The following SCAMP1 variants were observed in gnomAD, a reference collection of about 807,000 sequenced individuals.
SCAMP1 encodes the protein secretory carrier membrane protein 1.
A neutral mutation model predicts 41.8 loss-of-function variants in SCAMP1; 15 were observed. That is an observed-to-expected ratio of 0.36 (90% CI 0.24 to 0.55). The LOEUF (loss-of-function observed/expected upper bound fraction) is 0.55, where lower values mean the gene tolerates loss of function less well. Among genes scored for constraint, SCAMP1 ranks in the 20% least tolerant of loss-of-function variants. The probability of loss-of-function intolerance (pLI) is 0.86; values close to 1 mark genes in which losing one functional copy is unlikely to be tolerated. For synonymous variants in SCAMP1, 135 were observed against 136.8 expected, an observed-to-expected ratio of 0.99 and a Z score of 0.09; for missense variants, 341 against 412.6, an observed-to-expected ratio of 0.83 and a Z score of 1.50.
chr5:78,434,064 G>T (rs1292046015), intron 6 of SCAMP1, among the ~76,000 whole-genome samples: 1 of 152,148 alleles, frequency 6.6e-6, no homozygotes, highest in African/African-American at 2.4e-5. Flanking sequence ...GGGAGTTTTG[G>T]TGGCTGCTCT....
At chr5:78,449,320 G>T (rs1012624629) in intron 6 of SCAMP1, among the ~76,000 whole-genome samples, 1 of 152,266 alleles carries the variant, frequency 6.6e-6, no homozygotes, top group African/African-American at 2.4e-5. Context: ...GAAAAGGAAT[G>T]AACTTTTGAT....
chr5:78,403,473 G>C (rs920822829), intron 2 of SCAMP1, among the ~76,000 whole-genome samples: 37 of 120,708 alleles, frequency 3.1e-4, no homozygotes, highest in African/African-American at 1.1e-3. Context: ...TTATTATTTT[G>C]AACCAACTGT....
chr5:78,429,350 T>G (rs56347703), intron 6 of SCAMP1, among the ~76,000 whole-genome samples: 5 of 62,488 alleles, frequency 8.0e-5, no homozygotes, highest in African/African-American at 3.9e-4. Flanking sequence ...AGTTGGTTTT[T>G]TTTTTTTTTT....
In SCAMP1 at chr5:78,457,387, T is replaced by G. The variant is rs534427338; in HGVS notation, c.735-1858T>G. Reference sequence around the variant, plus strand: ...TGGTGTGGATGTCCTTTCTGTTTGTTAGTTTTCCTTCTAACAGACAGGACC... The same window carrying G: ...TGGTGTGGATGTCCTTTCTGTTTGTGAGTTTTCCTTCTAACAGACAGGACC... On this transcript the variant is annotated intron_variant, in intron 7 of 8. Transcript: ENST00000621999. 8.7e-3 allele frequency among the ~76,000 whole-genome samples: 1,325 copies of G among 152,128 alleles called. 22 individuals carry two copies. Among genetic ancestry groups the G allele is most frequent in the African/African-American group, 0.03 (1,224 of 41,444 alleles).
At chr5:78,365,096 A>G (rs1237023838) in intron 1 of SCAMP1, among the ~76,000 whole-genome samples, 2 of 152,218 alleles carry the variant, frequency 1.3e-5, no homozygotes, top group African/African-American at 2.4e-5. Context: ...GGATTAGATG[A>G]ACATACATTT....
In SCAMP1 at chr5:78,469,795, T is replaced by G. The variant is rs572526204; in HGVS notation, c.853-5709T>G. Among the ~76,000 whole-genome samples, 9 of 148,616 alleles carry G rather than the reference T, an allele frequency of 6.1e-5. No individual in the cohort carries two copies. In the East Asian group the frequency reaches 1.8e-3, roughly 29 times the overall value. ...TGTAATTCTAGCACTTTGGGAGGGT[T>G]TGGGGGGCCGAGGCAAGAAGATGAC... On this transcript the variant is annotated intron_variant, in intron 8 of 8. Transcript: ENST00000621999.
intron 6 of SCAMP1, among the ~76,000 whole-genome samples, chr5:78,445,265 A>G (rs1753026164): frequency 6.6e-6 from 1 of 152,234 alleles, no homozygotes; most frequent in Non-Finnish European, 1.5e-5. Flanking sequence ...TGTGGAAGAC[A>G]TTAAACCAAA....
chr5:78,406,021 G>A (rs528856179), intron 2 of SCAMP1, among the ~76,000 whole-genome samples: 29 of 152,176 alleles, frequency 1.9e-4, no homozygotes, highest in Non-Finnish European at 3.7e-4. Flanking sequence ...TTTCTTTGCT[G>A]AATCAACGGC....
At chr5:78,361,332 G>A (rs535780763) in intron 1 of SCAMP1, among the ~76,000 whole-genome samples, 2 of 152,284 alleles carry the variant, frequency 1.3e-5, no homozygotes, top group South Asian at 2.1e-4. Flanking sequence ...GGTTGAGGTT[G>A]AGGTTATTGA....
chr5:78,469,593 G>T (rs995382138), intron 8 of SCAMP1, among the ~76,000 whole-genome samples: 1 of 151,722 alleles, frequency 6.6e-6, no homozygotes, highest in African/African-American at 2.4e-5. Flanking sequence ...ATTATCTTAG[G>T]CATCTTCAAA....
chr5:78,406,252 G>A (rs1328482718), intron 2 of SCAMP1, among the ~76,000 whole-genome samples: 1 of 152,122 alleles, frequency 6.6e-6, no homozygotes, highest in Non-Finnish European at 1.5e-5. Flanking sequence ...TGAATCAATA[G>A]GTTCATAGAA....
At chr5:78,406,298 G>A (rs1390524982) in intron 2 of SCAMP1, among the ~76,000 whole-genome samples, 2 of 152,114 alleles carry the variant, frequency 1.3e-5, no homozygotes. Flanking sequence ...AGTACCTGGG[G>A]TTTCTGATAC....
intron 1 of SCAMP1, among the ~76,000 whole-genome samples, chr5:78,374,210 T>C (rs1751011023): frequency 1.3e-5 from 2 of 152,108 alleles, no homozygotes; most frequent in South Asian, 4.1e-4. Context: ...TAACATGTTC[T>C]TCATATTGCA....
At chr5:78,369,087 G>A (rs771568858) in intron 1 of SCAMP1, among the ~76,000 whole-genome samples, 1 of 151,718 alleles carries the variant, frequency 6.6e-6, no homozygotes, top group African/African-American at 2.4e-5. Flanking sequence ...CAACTGGTTG[G>A]TGGAATAGTC....
chr5:78,409,991 T>A (rs1328439730), intron 2 of SCAMP1, among the ~76,000 whole-genome samples: 1 of 152,140 alleles, frequency 6.6e-6, no homozygotes, highest in East Asian at 1.9e-4. Flanking sequence ...TTTGGGGCGA[T>A]GCTTTTGGTT....
intron 6 of SCAMP1, among the ~76,000 whole-genome samples, chr5:78,444,396 TGC>T (rs1003042904): frequency 1.1e-4 from 17 of 152,168 alleles, no homozygotes; most frequent in Admixed American, 3.3e-4. Context: ...AGAGAGTGTG[TGC>T]AGGGGAACTG....
chr5:78,410,172 G>C (rs141893098), intron 2 of SCAMP1, among the ~76,000 whole-genome samples: 2,284 of 151,010 alleles, frequency 0.015, 56 homozygotes, highest in African/African-American at 0.053. Context: ...AGGATGTGTA[G>C]GTTTGTTACA....
chr5:78,452,685 G>A (rs1047327640), intron 7 of SCAMP1, among the ~76,000 whole-genome samples: 1 of 151,596 alleles, frequency 6.6e-6, no homozygotes, highest in Non-Finnish European at 1.5e-5. Context: ...ATGATTTATA[G>A]TCCTTTGGGT....
At chr5:78,402,659 C>T (rs1561261966) in intron 2 of SCAMP1, among the ~76,000 whole-genome samples, 1 of 152,082 alleles carries the variant, frequency 6.6e-6, no homozygotes, top group African/African-American at 2.4e-5. Context: ...TTTCTGTTTA[C>T]TTCTAATCCA....
Sources: allele counts gnomAD v4.1 joint callset (sites outside exome capture counted in the v4.1 genomes callset), GRCh38; gene constraint gnomAD v4.1.1; transcripts MANE v1.5; gene names NCBI Gene and HGNC (gene_info 2026-07-23, HGNC 2026-07-21).